CUX1: variants seen among roughly 807,000 people sequenced by gnomAD.
CUX1 encodes the protein cut like homeobox 1, also known as protein CASP.
CUX1 carries 31 observed loss-of-function variants against 158.8 expected under a neutral mutation model. That is an observed-to-expected ratio of 0.20 (90% confidence interval 0.15 to 0.26). CUX1 has a LOEUF of 0.26. Ranked by LOEUF, CUX1 falls within the 10% of genes least tolerant of loss-of-function variation. The pLI is 1.00. For synonymous variants in CUX1, 879 were observed against 862.1 expected, an observed-to-expected ratio of 1.02 and a Z score of -0.34; for missense variants, 1,589 against 2,014.6, an observed-to-expected ratio of 0.79 and a Z score of 4.04.
rs372079696 is a variant in CUX1 at position 102,197,035 on chromosome 7, G to T, written c.1624G>T (p.Ala542Ser). 7 of 1,614,134 alleles carry T rather than the reference G, an allele frequency of 4.3e-6. No homozygotes were observed. The highest frequency in any genetic ancestry group is 1.7e-5 in the Admixed American group (1 of 60,010). ...MAPSPSQSES[A>S]GSVSEGEEMD... Reference sequence around the variant, plus strand: ...CCCATCCCCCAGCCAGTCAGAAAGTGCTGGGAGCGTCTCCGAGGGCGAGGA... The same window carrying T: ...CCCATCCCCCAGCCAGTCAGAAAGTTCTGGGAGCGTCTCCGAGGGCGAGGA... Residue 542 changes from alanine to serine, a missense_variant, in exon 15 of 24, where the codon GCT becomes TCT. Coordinates refer to ENST00000292535, the MANE Select transcript of CUX1 (RefSeq NM_181552.4).
At chr7:102,048,327 C>A (rs925659699) in intron 3 of CUX1, among the ~76,000 whole-genome samples, 2 of 152,138 alleles carry the variant, frequency 1.3e-5, no homozygotes, top group African/African-American at 2.4e-5. Context: ...AATGAGTGTC[C>A]CCCACCTGAT....
intron 2 of CUX1, among the ~76,000 whole-genome samples, chr7:102,004,917 T>C (rs773901533): frequency 3.3e-5 from 5 of 152,250 alleles, no homozygotes; most frequent in Non-Finnish European, 7.3e-5. Flanking sequence ...TAGGCACTTA[T>C]ATAACCACTT....
intron 1 of CUX1, among the ~76,000 whole-genome samples, chr7:101,849,404 C>G (rs1796036328): frequency 6.6e-6 from 1 of 151,924 alleles, no homozygotes; most frequent in African/African-American, 2.4e-5. Flanking sequence ...TTGTTTAGCT[C>G]CCACTTATAA....
At chr7:102,187,826 C>T (rs1793800633) in intron 11 of CUX1, among the ~76,000 whole-genome samples, 1 of 151,698 alleles carries the variant, frequency 6.6e-6, no homozygotes, top group South Asian at 2.1e-4. Flanking sequence ...TTTAAAACAT[C>T]GGGCAGGTTG....
intron 1 of CUX1, among the ~76,000 whole-genome samples, chr7:101,867,429 C>T (rs767033156): frequency 5.3e-5 from 8 of 152,228 alleles, no homozygotes; most frequent in African/African-American, 1.7e-4. Flanking sequence ...CTGTTCTCAC[C>T]TGTGACCACT....
At chr7:102,179,960 A>G (rs1188139368) in intron 11 of CUX1, among the ~76,000 whole-genome samples, 1 of 152,208 alleles carries the variant, frequency 6.6e-6, no homozygotes, top group Non-Finnish European at 1.5e-5. Context: ...CATTTAAAGG[A>G]AACCTTTTCT....
At position 102,253,125 on chromosome 7, in the gene CUX1, C is replaced by A. The variant is rs1421052580; in HGVS notation, c.*4083C>A. 5 of 985,432 alleles carry A rather than the reference C, an allele frequency of 5.1e-6. No homozygotes were observed. Among genetic ancestry groups the A allele is most frequent in the Non-Finnish European group, 6.0e-6 (5 of 830,006 alleles). The allele number at this position is 985,432 out of a possible 1,614,324, so 61.0% of individuals were successfully genotyped here. A position where few individuals can be genotyped will look rare whatever the true frequency, so the allele number is the denominator to read the frequency against. On this transcript the variant is annotated 3_prime_UTR_variant, in exon 24 of 24. Coordinates refer to ENST00000292535, the MANE Select transcript of CUX1 (RefSeq NM_181552.4). Reference sequence around the variant, plus strand: ...TCCCTGCTCAGTTTCCTTCCTGTCGCCATCTTTGTTTTCTTCCCATTGAAA... The same window carrying A: ...TCCCTGCTCAGTTTCCTTCCTGTCGACATCTTTGTTTTCTTCCCATTGAAA...
intron 20 of CUX1, among the ~76,000 whole-genome samples, chr7:102,211,325 G>T (rs986891986): frequency 1.3e-5 from 2 of 151,726 alleles, no homozygotes; most frequent in East Asian, 2.0e-4. Context: ...TTGCACCTGT[G>T]ATCCCTGCTA....
At chr7:102,223,362 C>A (rs543024638) in intron 20 of CUX1, among the ~76,000 whole-genome samples, 1 of 152,262 alleles carries the variant, frequency 6.6e-6, no homozygotes, top group African/African-American at 2.4e-5. Context: ...ATGTGTCAGG[C>A]ATTGTGGGAG....
rs143944246 is a variant in CUX1 at position 102,092,017 on chromosome 7, A to G, written c.269-5347A>G. 6.6e-4 allele frequency among the ~76,000 whole-genome samples: 100 copies of G among 152,280 alleles called. 1 individual carries two copies. The East Asian group carries it at 0.018, about 27-fold the overall frequency. ...GTGATCCACCTGCCTTGGCCTCCCA[A>G]AGTGCTGGGATTACAGGCGTGCGCC... On this transcript the variant is annotated intron_variant, in intron 4 of 23. Coordinates refer to ENST00000292535, the MANE Select transcript of CUX1 (RefSeq NM_181552.4).
At chr7:101,877,069 C>A (rs1427703557) in intron 1 of CUX1, among the ~76,000 whole-genome samples, 1 of 152,182 alleles carries the variant, frequency 6.6e-6, no homozygotes, top group Non-Finnish European at 1.5e-5. Context: ...AAGTGAACAG[C>A]GTGTGCACAT....
intron 22 of CUX1, among the ~76,000 whole-genome samples, chr7:102,236,857 C>T (rs1222168889): frequency 6.6e-6 from 1 of 152,218 alleles, no homozygotes; most frequent in Non-Finnish European, 1.5e-5. Flanking sequence ...TCCCTCGGCA[C>T]AGGCTCGGGG....
chr7:102,199,186 C>T (rs781867969), intron 16 of CUX1, among the ~76,000 whole-genome samples: 1 of 152,162 alleles, frequency 6.6e-6, no homozygotes, highest in African/African-American at 2.4e-5. Context: ...AAAATAACAG[C>T]GGTTGCTCTG....
intron 2 of CUX1, among the ~76,000 whole-genome samples, chr7:101,922,262 T>A (rs1805044313): frequency 6.6e-6 from 1 of 152,192 alleles, no homozygotes; most frequent in Admixed American, 6.5e-5. Flanking sequence ...AGTAAGCAAA[T>A]AGAACCCAAT....
rs377110237 is a variant in CUX1, at chr7:101,891,343, C to T, written c.31-24772C>T. Among the ~76,000 whole-genome samples the T allele has an allele frequency of 1.4e-4, 22 of 152,298 alleles. 1 individual carries two copies. The South Asian group carries it at 3.1e-3, about 22-fold the overall frequency. ...AAGCAATCCTCACGCCTCAGACTCC[C>T]GAGTAGCTGGGACCACAGGTGCTCA... On this transcript the variant is annotated intron_variant, in intron 1 of 23. Transcript: ENST00000292535.
intron 1 of CUX1, among the ~76,000 whole-genome samples, chr7:101,911,415 G>C (rs1803447144): frequency 6.6e-6 from 1 of 151,642 alleles, no homozygotes; most frequent in African/African-American, 2.4e-5. Flanking sequence ...TGGATGACCT[G>C]AGCCTTGGTC....
intron 2 of CUX1, among the ~76,000 whole-genome samples, chr7:101,927,048 C>T (rs768074341): frequency 1.9e-4 from 29 of 151,980 alleles, no homozygotes; most frequent in Non-Finnish European, 3.5e-4. Context: ...AACAAGATGG[C>T]AGTGAGTGAT....
At chr7:102,190,416 C>T (rs1794147197) in intron 12 of CUX1, among the ~76,000 whole-genome samples, 1 of 152,172 alleles carries the variant, frequency 6.6e-6, no homozygotes, top group South Asian at 2.1e-4. Context: ...CCACCTCTGC[C>T]TCCTCACCCT....
chr7:101,931,727 C>T lies in CUX1; in HGVS notation c.141+15502C>T, dbSNP rs148409208. Among the ~76,000 whole-genome samples the T allele has an allele frequency of 2.4e-4, 37 of 152,252 alleles. No individual in the cohort carries two copies. In the East Asian group the frequency reaches 3.7e-3, roughly 15 times the overall value. On this transcript the variant is annotated intron_variant, in intron 2 of 23. Coordinates refer to ENST00000292535, the MANE Select transcript of CUX1 (RefSeq NM_181552.4). Reference sequence around the variant, plus strand: ...TACAGGCATGCACCATGGTGTCTGACTGATTTTTGTATTTGTTGTAGGGAG... The same window carrying T: ...TACAGGCATGCACCATGGTGTCTGATTGATTTTTGTATTTGTTGTAGGGAG...
Sources: allele counts gnomAD v4.1 joint callset (sites outside exome capture counted in the v4.1 genomes callset), GRCh38; gene constraint gnomAD v4.1.1; transcripts MANE v1.5; gene names NCBI Gene and HGNC (gene_info 2026-07-23, HGNC 2026-07-21).